SGCD: variants seen among roughly 807,000 people sequenced by gnomAD.
The protein encoded by SGCD is delta-sarcoglycan.
Under a neutral mutation model 36.6 loss-of-function variants are expected in SGCD, and 18 were observed. The ratio of observed to expected loss-of-function variants is 0.49; its 90% CI spans 0.34 to 0.73. The LOEUF is 0.73. Among genes scored for constraint, SGCD ranks in the 30% least tolerant of loss-of-function variants. The probability of loss-of-function intolerance (pLI) is 0.01; values close to 1 mark genes in which losing one functional copy is unlikely to be tolerated. For synonymous variants in SGCD, 133 were observed against 130.6 expected (o/e 1.02, Z -0.12); for missense variants, 387 against 346.7 (o/e 1.12, Z -0.92).
chr5:155,893,902 G>T (rs1756191671), intron 1 of SGCD, among the ~76,000 whole-genome samples: 1 of 152,226 alleles, frequency 6.6e-6, no homozygotes, highest in Admixed American at 6.5e-5. Flanking sequence ...AACATGTGCA[G>T]CATGTTACTG....
At chr5:156,404,076 C>A (rs1441243202) in intron 3 of SGCD, among the ~76,000 whole-genome samples, 1 of 152,100 alleles carries the variant, frequency 6.6e-6, no homozygotes, top group Non-Finnish European at 1.5e-5. Flanking sequence ...CTCAAATGAT[C>A]ACCTCACCTC....
chr5:155,754,976 A>T, the SGCD span, among the ~76,000 whole-genome samples: 1 of 152,180 alleles, frequency 6.6e-6, no homozygotes, highest in Non-Finnish European at 1.5e-5. Context: ...GACCCAAAGA[A>T]ATGGGTGACG....
intron 3 of SGCD, among the ~76,000 whole-genome samples, chr5:156,190,837 C>T (rs185923620): frequency 1.6e-4 from 25 of 152,100 alleles, no homozygotes; most frequent in Admixed American, 6.6e-4. Context: ...TAAAATTCAT[C>T]GGGAGTAGTT....
chr5:156,749,609 CTTT>C (rs928200793), intron 7 of SGCD, among the ~76,000 whole-genome samples: 2 of 151,848 alleles, frequency 1.3e-5, no homozygotes, highest in Non-Finnish European at 2.9e-5. Flanking sequence ...TAAAAATCTT[CTTT>C]ATCAGTGCAA....
intron 3 of SGCD, among the ~76,000 whole-genome samples, chr5:156,414,088 G>A (rs1195579187): frequency 6.6e-6 from 1 of 152,204 alleles, no homozygotes; most frequent in Non-Finnish European, 1.5e-5. Flanking sequence ...ATAACATGGT[G>A]TCTTGCCCAT....
intron 3 of SGCD, among the ~76,000 whole-genome samples, chr5:156,259,093 A>G (rs921799103): frequency 2.0e-5 from 3 of 151,568 alleles, no homozygotes; most frequent in Non-Finnish European, 4.4e-5. Context: ...CAGTTTCCCT[A>G]TATCTTCTCA....
intron 1 of SGCD, among the ~76,000 whole-genome samples, chr5:156,048,563 C>T (rs940179365): frequency 1.3e-5 from 2 of 152,214 alleles, no homozygotes; most frequent in Non-Finnish European, 2.9e-5. Context: ...ATTTGCATTT[C>T]TCTGATGGCC....
chr5:156,611,484 A>G (rs572600494), intron 6 of SGCD, among the ~76,000 whole-genome samples: 4 of 152,232 alleles, frequency 2.6e-5, no homozygotes, highest in Admixed American at 2.0e-4. Context: ...CTTGTAGTCT[A>G]TTAGATATTT....
At chr5:155,782,134 C>G in the SGCD span, among the ~76,000 whole-genome samples, 9 of 151,488 alleles carry the variant, frequency 5.9e-5, no homozygotes, top group Middle Eastern at 0.01. Flanking sequence ...AAGTGATTCT[C>G]CTGCTTCAGC....
chr5:156,428,983 A>G (rs980146912), intron 3 of SGCD, among the ~76,000 whole-genome samples: 29 of 151,980 alleles, frequency 1.9e-4, no homozygotes, highest in African/African-American at 7.0e-4. Flanking sequence ...AATATTCCAC[A>G]TGCTGATGAG....
chr5:155,885,541 A>G (rs1409573248), intron 1 of SGCD, among the ~76,000 whole-genome samples: 1 of 53,632 alleles, frequency 1.9e-5, no homozygotes, highest in East Asian at 3.8e-4. Flanking sequence ...CTTATTTTTC[A>G]CACTCTGAAT....
At chr5:156,095,205 C>T (rs980199206) in intron 1 of SGCD, among the ~76,000 whole-genome samples, 4 of 152,108 alleles carry the variant, frequency 2.6e-5, no homozygotes, top group African/African-American at 9.7e-5. Context: ...TGTTTGCAAT[C>T]CCAAGAGGTA....
chr5:156,388,542 ATTGCTGT>A (rs1325997043), intron 3 of SGCD, among the ~76,000 whole-genome samples: 10 of 152,182 alleles, frequency 6.6e-5, no homozygotes, highest in Non-Finnish European at 1.3e-4. Context: ...TTAATGACTG[ATTGCTGT>A]TTCTCCTAGA....
intron 1 of SGCD, among the ~76,000 whole-genome samples, chr5:155,924,181 A>G (rs191283082): frequency 1.3e-5 from 2 of 152,322 alleles, no homozygotes; most frequent in Non-Finnish European, 2.9e-5. Context: ...GAAATCCAGA[A>G]CAACTTTACA....
At position 156,465,723 on chromosome 5, in the gene SGCD, G is replaced by T. The variant is rs75564556; in HGVS notation, c.193-42878G>T. Among the ~76,000 whole-genome samples the T allele has an allele frequency of 4.7e-3, 717 of 152,220 alleles. 8 individuals carry two copies. In the East Asian group the frequency reaches 0.057, roughly 12 times the overall value. The stretch of plus-strand genomic sequence containing the variant: ...CACACTTCCAGAGGCTTACCTTCAG[G>T]CTCGTTCCAATTGAATCAATTCAAA... On this transcript the variant is annotated intron_variant, in intron 3 of 8. Transcript: ENST00000337851.
chr5:156,244,357 C>T (rs1048989991), intron 3 of SGCD, among the ~76,000 whole-genome samples: 1 of 152,038 alleles, frequency 6.6e-6, no homozygotes, highest in Non-Finnish European at 1.5e-5. Flanking sequence ...GGACAATTGG[C>T]AAAAATAATG....
intron 3 of SGCD, among the ~76,000 whole-genome samples, chr5:156,434,254 G>T (rs1753147789): frequency 6.6e-6 from 1 of 152,206 alleles, no homozygotes; most frequent in African/African-American, 2.4e-5. Context: ...CATGATCTAA[G>T]AAAGCAGTAT....
intron 3 of SGCD, among the ~76,000 whole-genome samples, chr5:156,290,735 A>G (rs1766737233): frequency 6.6e-6 from 1 of 152,208 alleles, no homozygotes; most frequent in Admixed American, 6.6e-5. Flanking sequence ...TTCTCTATCC[A>G]TATGATTTAC....
In SGCD at chr5:156,073,912, A is replaced by G. The variant is rs138201282; in HGVS notation, c.-281-43966A>G. ...ACAGGTCTGAAACCTGAGAGGAGAGAAAAGTGGCAAAGCACTGGGGTGGAG... is the reference window on the plus strand; with the variant it reads ...ACAGGTCTGAAACCTGAGAGGAGAGGAAAGTGGCAAAGCACTGGGGTGGAG... On this transcript the variant is annotated intron_variant, in intron 1 of 9. Coordinates refer to the SGCD transcript ENST00000517913. Among the ~76,000 whole-genome samples, 348 of 152,306 alleles carry G rather than the reference A, an allele frequency of 2.3e-3. 2 individuals are homozygous for G. The highest frequency in any genetic ancestry group is 8.2e-3 in the African/African-American group (341 of 41,562).
Sources: gnomAD v4.1 joint callset for allele counts (sites outside exome capture counted in the v4.1 genomes callset) on GRCh38, gnomAD v4.1.1 for gene constraint, MANE v1.5 for transcripts, NCBI Gene and HGNC (gene_info 2026-07-23, HGNC 2026-07-21) for gene names.